PTPRM: variants seen among roughly 807,000 people sequenced by gnomAD.
PTPRM encodes receptor-type tyrosine-protein phosphatase mu.
Under a neutral mutation model 186.7 loss-of-function variants are expected in PTPRM, and 47 were observed. That is an observed-to-expected ratio of 0.25 (90% CI 0.20 to 0.32). The LOEUF is 0.32. Ranked by LOEUF, PTPRM falls within the 10% of genes least tolerant of loss-of-function variation. PTPRM has a pLI of 1.00. For synonymous variants in PTPRM, 668 were observed against 674.9 expected, an observed-to-expected ratio of 0.99 and a Z score of 0.16; for missense variants, 1,494 against 1,865.0, an observed-to-expected ratio of 0.80 and a Z score of 3.66.
rs561315865 is a variant in PTPRM, at chr18:8,233,670, A to AT, written c.2301-10380dup. Among the ~76,000 whole-genome samples the AT allele has an allele frequency of 4.7e-3, 700 of 148,926 alleles. 7 individuals are homozygous for AT. The highest frequency in any genetic ancestry group is 0.022 in the South Asian group (104 of 4,798). On this transcript the variant is annotated intron_variant, in intron 14 of 32. Transcript: ENST00000580170. ...TTATTGGAAAGATGTCTATCTTATCATTTTTTTTCATGGATTATCCCTTTA... is the reference window on the plus strand; with the variant it reads ...TTATTGGAAAGATGTCTATCTTATCATTTTTTTTTCATGGATTATCCCTTTA...
rs958502472 is a variant in PTPRM, at chr18:7,801,182, TA to T, written c.196+26918del. On this transcript the variant is annotated intron_variant, in intron 2 of 32. Transcript: ENST00000580170. ...TGTTATTTTATAAATTTATAATTTT[TA>T]AAAAAACTTTGACTTTTGTAATAAC... Among the ~76,000 whole-genome samples the T allele has an allele frequency of 3.9e-5, 6 of 152,170 alleles. No individual in the cohort carries two copies. In the South Asian group the frequency reaches 6.2e-4, roughly 16 times the overall value.
chr18:8,363,267 G>A (rs182817601), intron 23 of PTPRM, among the ~76,000 whole-genome samples: 40 of 152,294 alleles, frequency 2.6e-4, no homozygotes, highest in African/African-American at 7.7e-4. Context: ...GGGAGCGGGC[G>A]TATAATCAGA....
chr18:8,165,450 A>G (rs1480898655), intron 14 of PTPRM, among the ~76,000 whole-genome samples: 1 of 152,168 alleles, frequency 6.6e-6, no homozygotes, highest in Non-Finnish European at 1.5e-5. Context: ...ACAAAGCTAC[A>G]TTTGAAGCAT....
chr18:8,183,612 C>T (rs1042334033), intron 14 of PTPRM, among the ~76,000 whole-genome samples: 1 of 152,170 alleles, frequency 6.6e-6, no homozygotes, highest in Non-Finnish European at 1.5e-5. Flanking sequence ...TATTGAGTCA[C>T]ATTCCAGGCA....
intron 7 of PTPRM, among the ~76,000 whole-genome samples, chr18:8,041,938 C>T (rs929606583): frequency 7.9e-5 from 12 of 152,216 alleles, no homozygotes; most frequent in Non-Finnish European, 2.9e-5. Flanking sequence ...GTTGTAAAAA[C>T]TGCTGCCAGC....
At chr18:7,580,015 C>T (rs1000596263) in intron 1 of PTPRM, among the ~76,000 whole-genome samples, 2 of 152,166 alleles carry the variant, frequency 1.3e-5, no homozygotes, top group East Asian at 3.9e-4. Context: ...GTCAAAATGT[C>T]GTCTCTAGGA....
chr18:7,989,892 A>G (rs561480628), intron 7 of PTPRM, among the ~76,000 whole-genome samples: 5 of 151,756 alleles, frequency 3.3e-5, no homozygotes, highest in African/African-American at 1.2e-4. Flanking sequence ...TTTGCCTGAC[A>G]TTTTCTTCCT....
chr18:7,575,226 G>T (rs2036659829), intron 1 of PTPRM, among the ~76,000 whole-genome samples: 1 of 152,060 alleles, frequency 6.6e-6, no homozygotes, highest in African/African-American at 2.4e-5. Context: ...CTTTGTAGCC[G>T]GCCTTTCTGA....
At chr18:7,867,454 T>G (rs1214288878) in intron 2 of PTPRM, among the ~76,000 whole-genome samples, 1 of 152,212 alleles carries the variant, frequency 6.6e-6, no homozygotes, top group African/African-American at 2.4e-5. Context: ...CCTTCACTTA[T>G]GAAGCTTAAT....
chr18:7,954,703 G>A (rs1395039598), intron 6 of PTPRM, among the ~76,000 whole-genome samples: 3 of 152,060 alleles, frequency 2.0e-5, no homozygotes, highest in African/African-American at 7.2e-5. Flanking sequence ...TGATATCTGT[G>A]TAACTGACTC....
chr18:8,359,865 G>A (rs1002648010), intron 23 of PTPRM, among the ~76,000 whole-genome samples: 7 of 152,212 alleles, frequency 4.6e-5, no homozygotes, highest in South Asian at 2.1e-4. Flanking sequence ...TTTTTCTCCC[G>A]TTTTGCGCAC....
intron 2 of PTPRM, among the ~76,000 whole-genome samples, chr18:7,782,769 A>G (rs1354781201): frequency 6.6e-6 from 1 of 152,228 alleles, no homozygotes; most frequent in African/African-American, 2.4e-5. Context: ...ACTTTCAGAG[A>G]TTAAAGCAGT....
At chr18:8,327,166 GAT>G (rs2095382430) in intron 22 of PTPRM, among the ~76,000 whole-genome samples, 1 of 152,196 alleles carries the variant, frequency 6.6e-6, no homozygotes, top group Non-Finnish European at 1.5e-5. Flanking sequence ...TGGCTATCCA[GAT>G]AGGCCCCACC....
chr18:8,355,648 GA>G (rs1185168150), intron 23 of PTPRM, among the ~76,000 whole-genome samples: 3 of 152,160 alleles, frequency 2.0e-5, no homozygotes, highest in African/African-American at 4.8e-5. Flanking sequence ...ACTTAACAAG[GA>G]AAAGGTTACT....
intron 1 of PTPRM, among the ~76,000 whole-genome samples, chr18:7,684,229 GT>G (rs1253441145): frequency 6.6e-6 from 1 of 152,044 alleles, no homozygotes; most frequent in African/African-American, 2.4e-5. Context: ...GAGCCCAGGG[GT>G]TAAAGGTTGC....
intron 2 of PTPRM, among the ~76,000 whole-genome samples, chr18:7,812,164 G>T (rs2044558334): frequency 6.6e-6 from 1 of 152,170 alleles, no homozygotes. Context: ...AGGCATTACT[G>T]AGTGACTGAC....
chr18:8,070,298 ATTAT>A lies in PTPRM; in HGVS notation c.1441+309_1441+312del, dbSNP rs545242582. ...GAAAAATTGTTGTTTTGGGTATTAG[ATTAT>A]TTATATAAAATCATTGGACTGAAAA... On this transcript the variant is annotated intron_variant, in intron 8 of 32. Coordinates refer to ENST00000580170, the MANE Select transcript of PTPRM (RefSeq NM_001105244.2). Among the ~76,000 whole-genome samples the A allele has an allele frequency of 2.7e-3, 404 of 152,162 alleles. 4 individuals carry two copies. Among genetic ancestry groups the A allele is most frequent in the Non-Finnish European group, 2.4e-3 (160 of 68,000 alleles).
At chr18:8,329,230 G>A (rs2095397295) in intron 22 of PTPRM, among the ~76,000 whole-genome samples, 1 of 152,180 alleles carries the variant, frequency 6.6e-6, no homozygotes. Context: ...ACTTTAAGAA[G>A]CTCACAGTCC....
intron 11 of PTPRM, among the ~76,000 whole-genome samples, chr18:8,109,675 T>A (rs573098338): frequency 6.6e-6 from 1 of 152,338 alleles, no homozygotes; most frequent in African/African-American, 2.4e-5. Context: ...TTTGTATCAT[T>A]AGAGAATGTC....
Sources: allele counts gnomAD v4.1 joint callset (sites outside exome capture counted in the v4.1 genomes callset), GRCh38; gene constraint gnomAD v4.1.1; transcripts MANE v1.5; gene names NCBI Gene and HGNC (gene_info 2026-07-23, HGNC 2026-07-21).